Variants in THSD7A observed in about 807,000 individuals in gnomAD.
The protein encoded by THSD7A is thrombospondin type-1 domain-containing protein 7A.
Under a neutral mutation model 231.3 loss-of-function variants are expected in THSD7A, and 96 were observed. The observed-to-expected ratio is 0.41, with a 90% CI of 0.35 to 0.49. THSD7A has a LOEUF of 0.49. THSD7A is among the 20% of genes least tolerant of loss of function. The pLI, the probability that THSD7A is intolerant of heterozygous loss-of-function variation, is 0.05. For synonymous variants in THSD7A, 940 were observed against 743.3 expected (o/e 1.26, Z -4.30); for missense variants, 2,290 against 2,070.2 (o/e 1.11, Z -2.06).
At chr7:11,819,147 T>C (rs1165703249) in intron 1 of THSD7A, among the ~76,000 whole-genome samples, 1 of 152,126 alleles carries the variant, frequency 6.6e-6, no homozygotes. Flanking sequence ...ATGCATCCAT[T>C]AGAATGGCTA....
intron 4 of THSD7A, among the ~76,000 whole-genome samples, chr7:11,589,011 A>G (rs970038445): frequency 2.6e-5 from 4 of 152,288 alleles, no homozygotes; most frequent in Admixed American, 2.6e-4. Flanking sequence ...TTTTTCTTCC[A>G]TGAATTACTG....
At position 11,795,501 on chromosome 7, in the gene THSD7A, C is replaced by T. The variant is rs185904745; in HGVS notation, c.190+36256G>A. ...AGTCACTTTCCCGGGAATGACATGACGAAAACAAACTTCAAAATCTAGTAC... is the reference window on the plus strand; with the variant it reads ...AGTCACTTTCCCGGGAATGACATGATGAAAACAAACTTCAAAATCTAGTAC... On this transcript the variant is annotated intron_variant, in intron 1 of 27. Coordinates refer to ENST00000423059, the MANE Select transcript of THSD7A (RefSeq NM_015204.3). 7.9e-5 allele frequency among the ~76,000 whole-genome samples: 12 copies of T among 151,756 alleles called. No individual in the cohort carries two copies. The South Asian group carries it at 8.3e-4, about 11-fold the overall frequency.
intron 6 of THSD7A, among the ~76,000 whole-genome samples, chr7:11,536,770 G>T (rs1306222430): frequency 1.3e-5 from 2 of 152,038 alleles, no homozygotes; most frequent in African/African-American, 4.8e-5. Flanking sequence ...AACAATCTAT[G>T]AATATTCTGA....
intron 1 of THSD7A, among the ~76,000 whole-genome samples, chr7:11,719,282 G>C (rs1020988565): frequency 6.6e-6 from 1 of 151,396 alleles, no homozygotes; most frequent in Admixed American, 6.6e-5. Context: ...TACGCCCTTG[G>C]AGTTCTCTCA....
chr7:11,530,379 A>G (rs1476392428), intron 6 of THSD7A, among the ~76,000 whole-genome samples: 1 of 152,154 alleles, frequency 6.6e-6, no homozygotes, highest in Non-Finnish European at 1.5e-5. Context: ...AGAAATTAAG[A>G]GTCATTTCTT....
intron 8 of THSD7A, among the ~76,000 whole-genome samples, chr7:11,471,045 A>G (rs1785917566): frequency 6.6e-6 from 1 of 152,004 alleles, no homozygotes; most frequent in Admixed American, 6.6e-5. Context: ...CTGCATTTTT[A>G]CAATCTGATG....
At chr7:11,725,841 A>T (rs971297651) in intron 1 of THSD7A, among the ~76,000 whole-genome samples, 31 of 152,098 alleles carry the variant, frequency 2.0e-4, no homozygotes, top group African/African-American at 7.5e-4. Flanking sequence ...GGAATTATTT[A>T]TTCTCAGTGG....
intron 9 of THSD7A, among the ~76,000 whole-genome samples, chr7:11,462,921 A>G (rs888847746): frequency 1.3e-5 from 2 of 152,200 alleles, no homozygotes; most frequent in Non-Finnish European, 1.5e-5. Context: ...TGTAGCGTAT[A>G]AAACTTGCCA....
chr7:11,804,982 T>C (rs1276365177), intron 1 of THSD7A, among the ~76,000 whole-genome samples: 4 of 152,138 alleles, frequency 2.6e-5, no homozygotes, highest in Non-Finnish European at 5.9e-5. Flanking sequence ...TTTCTACCAA[T>C]TCTGAGAATT....
chr7:11,822,551 T>C (rs1583318995), intron 1 of THSD7A, among the ~76,000 whole-genome samples: 1 of 152,218 alleles, frequency 6.6e-6, no homozygotes, highest in East Asian at 1.9e-4. Context: ...TTTTTTTCCT[T>C]TGGGTAGATA....
rs200104925 is a variant in THSD7A, at chr7:11,461,995, A to T, written c.2501+16T>A. 6.0e-5 allele frequency: 97 copies of T among 1,610,260 alleles called. No homozygotes were observed. In the African/African-American group the frequency reaches 1.0e-3, roughly 17 times the overall value. The stretch of plus-strand genomic sequence containing the variant: ...TTGTTCAGCTCCTCCCTCACGATGC[A>T]TTTCTCTAACCCTACCTGTAGCTTT... On this transcript the variant is annotated intron_variant, in intron 10 of 27. Transcript: ENST00000423059.
chr7:11,440,769 G>C (rs1256863061), intron 13 of THSD7A, among the ~76,000 whole-genome samples: 7 of 152,050 alleles, frequency 4.6e-5, no homozygotes, highest in Non-Finnish European at 1.0e-4. Flanking sequence ...TCTTAAGATG[G>C]AATCTGCTCC....
At chr7:11,733,121 A>G (rs1017301882) in intron 1 of THSD7A, among the ~76,000 whole-genome samples, 3 of 151,832 alleles carry the variant, frequency 2.0e-5, no homozygotes, top group African/African-American at 7.2e-5. Context: ...TTTCAACAAT[A>G]CAGTGATTTC....
At chr7:11,664,732 T>C (rs1032870527) in intron 1 of THSD7A, among the ~76,000 whole-genome samples, 1 of 151,940 alleles carries the variant, frequency 6.6e-6, no homozygotes, top group Non-Finnish European at 1.5e-5. Context: ...GATGGTAAGC[T>C]TAAGATGCTT....
chr7:11,714,879 T>C (rs1312395223), intron 1 of THSD7A, among the ~76,000 whole-genome samples: 1 of 151,474 alleles, frequency 6.6e-6, no homozygotes, highest in African/African-American at 2.4e-5. Context: ...AGTGTGGCCA[T>C]TGGAAAAGGC....
intron 9 of THSD7A, among the ~76,000 whole-genome samples, chr7:11,462,627 A>C (rs1218561470): frequency 1.3e-5 from 2 of 152,162 alleles, no homozygotes; most frequent in African/African-American, 4.8e-5. Context: ...GAAATGCATA[A>C]CTTGTAAATT....
chr7:11,531,856 A>C (rs1359597718), intron 6 of THSD7A, among the ~76,000 whole-genome samples: 1 of 152,192 alleles, frequency 6.6e-6, no homozygotes, highest in African/African-American at 2.4e-5. Context: ...GGATCAGAGA[A>C]AGAATATAGC....
chr7:11,756,607 G>C (rs1300397981), intron 1 of THSD7A, among the ~76,000 whole-genome samples: 35 of 151,828 alleles, frequency 2.3e-4, no homozygotes, highest in Admixed American at 2.2e-3. Context: ...AAAAAAAAAT[G>C]TTCATTTAGT....
chr7:11,374,864 C>A lies in THSD7A; in HGVS notation c.*930G>T, dbSNP rs1409774080. On this transcript the variant is annotated 3_prime_UTR_variant, in exon 28 of 28. Coordinates refer to ENST00000423059, the MANE Select transcript of THSD7A (RefSeq NM_015204.3). ...TGCCATCCAAACTGAACTTTACTCT[C>A]TTCAGGATACAAGAACTTGCAAATG... The A allele has an allele frequency of 1.3e-5, 2 of 152,018 alleles. No individual in the cohort carries two copies. Among genetic ancestry groups the A allele is most frequent in the Non-Finnish European group, 2.9e-5 (2 of 67,984 alleles). 9.4% of individuals were successfully genotyped at this position (152,018 alleles called of 1,614,324 possible).
Sources: gnomAD v4.1 joint callset for allele counts (sites outside exome capture counted in the v4.1 genomes callset) on GRCh38, gnomAD v4.1.1 for gene constraint, MANE v1.5 for transcripts, NCBI Gene and HGNC (gene_info 2026-07-23, HGNC 2026-07-21) for gene names.